PAWR: variants seen among roughly 807,000 people sequenced by gnomAD.
The protein encoded by PAWR is pro-apoptotic WT1 regulator, also known as PRKC apoptosis WT1 regulator protein.
A neutral mutation model predicts 32.0 loss-of-function variants in PAWR; 23 were observed. That is an observed-to-expected ratio of 0.72 (90% CI 0.52 to 1.02). The LOEUF is 1.02. Among genes scored for constraint, PAWR ranks in the 50% least tolerant of loss-of-function variants. The pLI is 0.00. For missense variants in PAWR, 457 were observed against 437.7 expected (o/e 1.04, Z -0.39); for synonymous variants, 226 against 187.1 (o/e 1.21, Z -1.70).
intron 2 of PAWR, among the ~76,000 whole-genome samples, chr12:79,658,722 G>A (rs1877207212): frequency 6.6e-6 from 1 of 152,042 alleles, no homozygotes; most frequent in Admixed American, 6.6e-5. Context: ...GGAGTGCAGT[G>A]GCATGATCTC....
intron 4 of PAWR, chr12:79,603,663 T>C (rs1477733164): frequency 6.7e-6 from 1 of 150,314 alleles, no homozygotes; most frequent in African/African-American, 2.4e-5. Flanking sequence ...GGCATCATTA[T>C]GCTATTTTTT....
In PAWR at chr12:79,690,119, C is replaced by A; in HGVS notation, c.126G>T (p.Pro42=). The change falls in exon 2 of 7, where the codon CCG becomes CCT. Residue 42 remains proline (P), a synonymous_variant. Coordinates refer to ENST00000328827, the MANE Select transcript of PAWR (RefSeq NM_002583.4). ...AKQNPPGPAP[P]GGGSSDAAGK... is the part of the protein sequence containing the mutation. ...CAGCGGCGTCGCTGCTGCCCCCTCC[C>A]GGGGGGGCCGGGCCCGGGGGGTTCT... The A allele has an allele frequency of 6.7e-7, 1 of 1,499,956 alleles. No homozygotes were observed. Among genetic ancestry groups the A allele is most frequent in the Admixed American group, 2.1e-5 (1 of 47,058 alleles). The allele number at this position is 1,499,956 out of a possible 1,614,324, so 92.9% of individuals were successfully genotyped here.
chr12:79,672,581 CA>C (rs374147078), intron 2 of PAWR, among the ~76,000 whole-genome samples: 3 of 152,078 alleles, frequency 2.0e-5, no homozygotes, highest in African/African-American at 7.2e-5. Flanking sequence ...AAAGTGCTAC[CA>C]CCACTTTGCA....
Position 79,592,019 on chromosome 12 carries a change from T to G in PAWR, c.*588A>C, listed in dbSNP as rs962564736. ...ACTATAGCACAATTCAAGTATTCTC[T>G]TAAATTTATATTTAGTCAACTAAAA... On this transcript the variant is annotated 3_prime_UTR_variant, in exon 7 of 7. Transcript: ENST00000328827. 6.6e-6 allele frequency: 1 copy of G among 152,614 alleles called. No homozygotes were observed. Among genetic ancestry groups the G allele is most frequent in the Non-Finnish European group, 1.5e-5 (1 of 68,000 alleles). The allele number at this position is 152,614 out of a possible 1,614,324, so 9.5% of individuals were successfully genotyped here.
intron 2 of PAWR, among the ~76,000 whole-genome samples, chr12:79,656,446 T>C (rs1877098841): frequency 6.6e-6 from 1 of 151,814 alleles, no homozygotes; most frequent in Admixed American, 6.6e-5. Context: ...AACATGGGGG[T>C]GAGGCGGGGA....
chr12:79,673,284 T>C (rs1878002258), intron 2 of PAWR, among the ~76,000 whole-genome samples: 1 of 152,166 alleles, frequency 6.6e-6, no homozygotes, highest in African/African-American at 2.4e-5. Context: ...TTAGCCAGGA[T>C]GGTCTTGATC....
intron 2 of PAWR, among the ~76,000 whole-genome samples, chr12:79,652,422 C>A (rs1238939914): frequency 5.9e-5 from 9 of 152,204 alleles, no homozygotes; most frequent in African/African-American, 1.7e-4. Context: ...CAGACCACAA[C>A]CTGAGATGTG....
chr12:79,672,496 C>T (rs1259356063), intron 2 of PAWR, among the ~76,000 whole-genome samples: 1 of 152,126 alleles, frequency 6.6e-6, no homozygotes, highest in Non-Finnish European at 1.5e-5. Flanking sequence ...CTGATTTTTA[C>T]CTAACTGGCT....
chr12:79,656,056 G>A (rs1212242384), intron 2 of PAWR, among the ~76,000 whole-genome samples: 1 of 152,114 alleles, frequency 6.6e-6, no homozygotes, highest in East Asian at 1.9e-4. Flanking sequence ...TGAAGATGAA[G>A]GAAAGCATAT....
intron 4 of PAWR, among the ~76,000 whole-genome samples, chr12:79,597,545 T>C (rs1873807870): frequency 6.6e-6 from 1 of 152,054 alleles, no homozygotes; most frequent in Admixed American, 6.5e-5. Flanking sequence ...AAATTATAAA[T>C]AGAAAAAAAG....
intron 3 of PAWR, among the ~76,000 whole-genome samples, chr12:79,618,262 G>T (rs1437527849): frequency 6.6e-6 from 1 of 151,998 alleles, no homozygotes; most frequent in African/African-American, 2.4e-5. Flanking sequence ...CTGAGTAGCT[G>T]GGATTACAGG....
intron 2 of PAWR, among the ~76,000 whole-genome samples, chr12:79,633,569 C>G (rs919097468): frequency 1.3e-5 from 2 of 152,046 alleles, no homozygotes; most frequent in African/African-American, 4.8e-5. Flanking sequence ...ATAAAAACCA[C>G]TCTTGGCTCT....
chr12:79,640,606 T>C (rs976829311), intron 2 of PAWR, among the ~76,000 whole-genome samples: 1 of 151,930 alleles, frequency 6.6e-6, no homozygotes, highest in Non-Finnish European at 1.5e-5. Flanking sequence ...CCGGGTATGG[T>C]GGTGTGCGCC....
intron 4 of PAWR, among the ~76,000 whole-genome samples, chr12:79,611,141 T>G (rs1874415784): frequency 6.8e-6 from 1 of 147,154 alleles, no homozygotes; most frequent in African/African-American, 2.5e-5. Flanking sequence ...CTATATAAAA[T>G]TTATATATAT....
In PAWR at chr12:79,632,296, CATATATATATACATACATATATATAT is replaced by C. The variant is rs1336569538; in HGVS notation, c.517-11115_517-11090del. 160 of 36,776 alleles carry C rather than the reference CATATATATATACATACATATATATAT, an allele frequency of 4.4e-3. 20 individuals carry two copies. Among genetic ancestry groups the C allele is most frequent in the African/African-American group, 0.017 (60 of 3,484 alleles). 2.3% of individuals were successfully genotyped at this position (36,776 alleles called of 1,614,324 possible). On this transcript the variant is annotated intron_variant, in intron 2 of 6. Transcript: ENST00000328827. ...TAGAGTCCAGAAATAGAAATATATA[CATATATATATACATACATATATATAT>C]ATATATATATATATATATATATATA...
chr12:79,616,832 G>A (rs993136487), intron 3 of PAWR, among the ~76,000 whole-genome samples: 13 of 151,926 alleles, frequency 8.6e-5, no homozygotes, highest in Non-Finnish European at 1.6e-4. Context: ...CACATACTAC[G>A]TTGGTACGAA....
At chr12:79,628,104 T>C (rs1875430785) in intron 2 of PAWR, among the ~76,000 whole-genome samples, 1 of 152,178 alleles carries the variant, frequency 6.6e-6, no homozygotes, top group Admixed American at 6.5e-5. Context: ...TGTAACAAAC[T>C]GTCTCTCAGA....
chr12:79,604,458 T>A, intron 4 of PAWR: 1 of 1,075,350 alleles, frequency 9.3e-7, no homozygotes, highest in Non-Finnish European at 1.1e-6. Context: ...ATTAAGAGAT[T>A]ATAGCTAGAG....
chr12:79,593,387 C>T (rs1873626682), intron 6 of PAWR, among the ~76,000 whole-genome samples: 1 of 152,084 alleles, frequency 6.6e-6, no homozygotes, highest in African/African-American at 2.4e-5. Context: ...GCATATGATC[C>T]AGCTCTTTTT....
Sources: gnomAD v4.1 joint callset for allele counts (sites outside exome capture counted in the v4.1 genomes callset) on GRCh38, gnomAD v4.1.1 for gene constraint, MANE v1.5 for transcripts, NCBI Gene and HGNC (gene_info 2026-07-23, HGNC 2026-07-21) for gene names.